MCM6: variants seen among roughly 807,000 people sequenced by gnomAD.
The protein encoded by MCM6 is minichromosome maintenance complex component 6, also known as DNA replication licensing factor MCM6.
A neutral mutation model predicts 94.3 loss-of-function variants in MCM6; 46 were observed. The ratio of observed to expected loss-of-function variants is 0.49; its 90% confidence interval spans 0.39 to 0.62. The LOEUF is 0.62. MCM6 is among the 20% of genes least tolerant of loss of function. The pLI is 0.00. For missense variants in MCM6, 865 were observed against 1,017.9 expected (o/e 0.85, Z 2.04); for synonymous variants, 335 against 351.9 (o/e 0.95, Z 0.54).
intron 4 of MCM6, 44 bp from the exon 5 acceptor site, chr2:135,866,772 C>G (rs1269393589): frequency 6.8e-7 from 1 of 1,470,332 alleles, no homozygotes; most frequent in South Asian, 1.3e-5. Flanking sequence ...GAAGCAATAC[C>G]TTTCAGATGC....
rs943880729 is a variant in MCM6 at position 135,840,234 on chromosome 2, A to AC, written c.*600_*601insG. On this transcript the variant is annotated 3_prime_UTR_variant, in exon 17 of 17. Transcript: ENST00000264156. ...AACTTTTATAAACTTAAAAAAAAAAAAAAACAACTGGAATTAACCTTGGAA... is the reference window on the plus strand; with the variant it reads ...AACTTTTATAAACTTAAAAAAAAAAACAAAACAACTGGAATTAACCTTGGAA... The AC allele has an allele frequency of 2.7e-5, 4 of 145,674 alleles. No individual in the cohort carries two copies. Among genetic ancestry groups the AC allele is most frequent in the African/African-American group, 7.4e-5 (3 of 40,302 alleles). The allele number at this position is 145,674 out of a possible 1,614,324, so 9.0% of individuals were successfully genotyped here. A position where few individuals can be genotyped will look rare whatever the true frequency, so the allele number is the denominator to read the frequency against.
chr2:135,843,075 A>G (rs1458309496), intron 16 of MCM6, among the ~76,000 whole-genome samples: 1 of 152,192 alleles, frequency 6.6e-6, no homozygotes, highest in Non-Finnish European at 1.5e-5. Context: ...AAGGCGGTAA[A>G]AAGAGAAAAG....
Position 135,868,721 on chromosome 2 carries a change from C to G in MCM6, c.505G>C (p.Glu169Gln). 1 of 1,614,174 alleles carries G rather than the reference C, an allele frequency of 6.2e-7. No homozygotes were observed. ...LDCQTVIRDV[E>Q]QQFKYTQPNI... ...GGCTGTGTGTATTTGAACTGCTGTT[C>G]TACATCCCTGATCACTGTCTGACAG... The change falls in exon 4 of 17, where the codon GAA becomes CAA. Residue 169 changes from glutamate (E) to glutamine (Q), a missense_variant. By Grantham distance (29) the Glu-to-Gln change is conservative. Transcript: ENST00000264156.
intron 13 of MCM6, among the ~76,000 whole-genome samples, chr2:135,849,552 GCTGATTT>G (rs1307785531): frequency 6.6e-6 from 1 of 152,162 alleles, no homozygotes; most frequent in Non-Finnish European, 1.5e-5. Context: ...AACAGAGCAA[GCTGATTT>G]CTAAGTTCCT....
At chr2:135,847,933 G>A in intron 14 of MCM6, 120 bp downstream of exon 14, 1 of 652,204 alleles carries the variant, frequency 1.5e-6, no homozygotes, top group Non-Finnish European at 2.7e-6. Context: ...TTCAGTATCT[G>A]CTTTTTCCGT....
intron 3 of MCM6, 72 bp from the exon 4 acceptor site, chr2:135,868,932 G>T: frequency 7.1e-7 from 1 of 1,404,920 alleles, no homozygotes; most frequent in East Asian, 2.3e-5. Context: ...TTAGTGAGAG[G>T]GTATTCAAAG....
chr2:135,876,168 T>C, intron 1 of MCM6, 91 bp downstream of exon 1: 1 of 1,012,044 alleles, frequency 9.9e-7, no homozygotes, highest in South Asian at 2.1e-5. Flanking sequence ...GACCCCCAGG[T>C]TCCGGAACAC....
Position 135,851,428 on chromosome 2 carries a change from T to G in MCM6, c.1891A>C (p.Met631Leu). 6.2e-7 allele frequency: 1 copy of G among 1,613,732 alleles called. No homozygotes were observed. Among genetic ancestry groups the G allele is most frequent in the Non-Finnish European group, 8.5e-7 (1 of 1,179,798 alleles). Residue 631 changes from methionine to leucine, a missense_variant, in exon 13 of 17, where the codon ATG becomes CTG. Coordinates refer to ENST00000264156, the MANE Select transcript of MCM6 (RefSeq NM_005915.6). Reference sequence around the variant, plus strand: ...TCATCACAGCAGTGCATCCGAGCCATAGCTTCAGAGAGACGAATCATGCTC... The same window carrying G: ...TCATCACAGCAGTGCATCCGAGCCAGAGCTTCAGAGAGACGAATCATGCTC... Reference protein sequence around the residue: ...LESMIRLSEAMARMHCCDEVQ... With the variant: ...LESMIRLSEALARMHCCDEVQ...
At chr2:135,848,593 T>C (rs1013173713) in intron 13 of MCM6, among the ~76,000 whole-genome samples, 2 of 152,052 alleles carry the variant, frequency 1.3e-5, no homozygotes, top group Non-Finnish European at 2.9e-5. Context: ...ATACATCCCA[T>C]AAGAACTAGG....
chr2:135,839,822 T>C lies in MCM6; in HGVS notation c.*1013A>G, dbSNP rs1679535631. The C allele has an allele frequency of 6.6e-6, 1 of 152,220 alleles. No individual in the cohort carries two copies. Among genetic ancestry groups the C allele is most frequent in the Non-Finnish European group, 1.5e-5 (1 of 68,040 alleles). 9.4% of individuals were successfully genotyped at this position (152,220 alleles called of 1,614,324 possible). ...AGATTTCTGGCTGCTCAAATTCACA[T>C]TGCACTGGAAAGCTCAGACATCAAG... On this transcript the variant is annotated 3_prime_UTR_variant, in exon 17 of 17. Transcript: ENST00000264156.
intron 9 of MCM6, among the ~76,000 whole-genome samples, chr2:135,858,967 A>G (rs1038611068): frequency 2.0e-5 from 3 of 151,968 alleles, no homozygotes; most frequent in Non-Finnish European, 4.4e-5. Context: ...TCTTGGCTCA[A>G]TGCAGCCTCC....
Position 135,870,551 on chromosome 2 carries a change from G to T in MCM6, c.255-190C>A, listed in dbSNP as rs4988163. ...TCTTTCAGTTCTCTCCTATCCCACC[G>T]GAACACTAAATATAAAATGTCATAC... On this transcript the variant is annotated intron_variant, in intron 2 of 16. Coordinates refer to ENST00000264156, the MANE Select transcript of MCM6 (RefSeq NM_005915.6). Among the ~76,000 whole-genome samples the T allele has an allele frequency of 0.18, 26,608 of 151,918 alleles. 2,677 individuals carry two copies. The highest frequency in any genetic ancestry group is 0.39 in the Middle Eastern group (116 of 294).
At chr2:135,844,994 G>T (rs1679643465) in intron 15 of MCM6, among the ~76,000 whole-genome samples, 1 of 152,214 alleles carries the variant, frequency 6.6e-6, no homozygotes, top group South Asian at 2.1e-4. Flanking sequence ...ATCTTCTTAT[G>T]CTTCACCACC....
At chr2:135,873,192 C>T (rs991820917) in intron 1 of MCM6, among the ~76,000 whole-genome samples, 3 of 152,168 alleles carry the variant, frequency 2.0e-5, no homozygotes, top group African/African-American at 7.2e-5. Context: ...ATGCCATCCA[C>T]GTAAGACATC....
chr2:135,873,861 A>G (rs1680248929), intron 1 of MCM6, among the ~76,000 whole-genome samples: 1 of 152,254 alleles, frequency 6.6e-6, no homozygotes, highest in South Asian at 2.1e-4. Context: ...AGTTATACAT[A>G]TAAAAGGTGG....
intron 11 of MCM6, among the ~76,000 whole-genome samples, chr2:135,856,499 T>C (rs4988214): frequency 3.2e-4 from 49 of 152,304 alleles, no homozygotes; most frequent in African/African-American, 1.2e-3. Flanking sequence ...GAGAAATAAA[T>C]AGTAACAAAA....
intron 11 of MCM6, among the ~76,000 whole-genome samples, chr2:135,855,176 A>G (rs971926987): frequency 2.0e-5 from 3 of 152,196 alleles, no homozygotes; most frequent in Non-Finnish European, 4.4e-5. Flanking sequence ...AAAACTAAAG[A>G]AAACAGTTTT....
At chr2:135,865,659 C>T (rs553425280) in intron 6 of MCM6, among the ~76,000 whole-genome samples, 10 of 152,098 alleles carry the variant, frequency 6.6e-5, no homozygotes, top group East Asian at 3.9e-4. Flanking sequence ...CAAAAAACAG[C>T]GTGGATAATT....
Position 135,844,532 on chromosome 2 carries a change from C to T in MCM6, c.2349+13G>A. 1 of 1,522,354 alleles carries T rather than the reference C, an allele frequency of 6.6e-7. No individual in the cohort carries two copies. Among genetic ancestry groups the T allele is most frequent in the South Asian group, 1.4e-5 (1 of 73,022 alleles). 94.3% of individuals were successfully genotyped at this position (1,522,354 alleles called of 1,614,324 possible). On this transcript the variant is annotated intron_variant, in intron 16 of 16. Transcript: ENST00000264156. ...CCTCCCTGATACCAGAGCACGCGCA[C>T]TTCTGCACCTACATAGTGTGTGAGT...
Sources: allele counts gnomAD v4.1 joint callset (sites outside exome capture counted in the v4.1 genomes callset), GRCh38; gene constraint gnomAD v4.1.1; transcripts MANE v1.5; gene names NCBI Gene and HGNC (gene_info 2026-07-23, HGNC 2026-07-21).